The following SLC27A6 variants were observed in gnomAD, a reference collection of about 807,000 sequenced individuals.
SLC27A6 encodes long-chain fatty acid transport protein 6.
SLC27A6 carries 74 observed loss-of-function variants against 63.9 expected under a neutral mutation model. That is an observed-to-expected ratio of 1.16 (90% CI 0.96 to 1.40). The LOEUF (loss-of-function observed/expected upper bound fraction) is 1.40. Among genes scored for constraint, SLC27A6 ranks in the 40% most tolerant of loss-of-function variants. SLC27A6 has a pLI of 0.00. For missense variants in SLC27A6, 794 were observed against 732.9 expected (o/e 1.08, Z -0.96); for synonymous variants, 287 against 260.8 (o/e 1.10, Z -0.97).
At chr5:128,998,555 A>G (rs1751233518) in intron 4 of SLC27A6, among the ~76,000 whole-genome samples, 1 of 152,090 alleles carries the variant, frequency 6.6e-6, no homozygotes, top group South Asian at 2.1e-4. Context: ...GCTTGTCACA[A>G]AAAGACTAAA....
chr5:129,018,380 T>C (rs1455075754), intron 5 of SLC27A6, among the ~76,000 whole-genome samples: 1 of 152,110 alleles, frequency 6.6e-6, no homozygotes, highest in Non-Finnish European at 1.5e-5. Flanking sequence ...GTGTTTTTCA[T>C]GCCACAGCAG....
chr5:129,006,281 G>A (rs1442106143), intron 4 of SLC27A6, among the ~76,000 whole-genome samples: 1 of 151,204 alleles, frequency 6.6e-6, no homozygotes, highest in East Asian at 2.0e-4. Context: ...TAGTAGAGAC[G>A]GGGTTTCACC....
chr5:128,981,643 CT>C (rs1750592070), intron 1 of SLC27A6, among the ~76,000 whole-genome samples: 1 of 152,086 alleles, frequency 6.6e-6, no homozygotes, highest in African/African-American at 2.4e-5. Flanking sequence ...ACACATCATT[CT>C]TTTGAGATGC....
At chr5:129,021,719 G>A (rs922326300) in intron 5 of SLC27A6, among the ~76,000 whole-genome samples, 2 of 152,186 alleles carry the variant, frequency 1.3e-5, no homozygotes, top group Non-Finnish European at 2.9e-5. Context: ...CTTGAAGGCA[G>A]GAAGGAGAAT....
intron 4 of SLC27A6, among the ~76,000 whole-genome samples, chr5:129,001,832 CAT>C (rs904640407): frequency 3.9e-5 from 6 of 152,118 alleles, no homozygotes; most frequent in African/African-American, 1.2e-4. Flanking sequence ...GGAATAACCA[CAT>C]GTTTTGGAAG....
At chr5:128,973,534 G>C (rs371524306) in intron 1 of SLC27A6, among the ~76,000 whole-genome samples, 10 of 152,320 alleles carry the variant, frequency 6.6e-5, no homozygotes, top group African/African-American at 2.4e-4. Flanking sequence ...TCGGACTGCT[G>C]TGCTAGCAGT....
rs563257934 is a variant in SLC27A6 at position 128,969,680 on chromosome 5, C to T, written c.481+3062C>T. ...GATTTTGGGCTGAGATGCTGGGGTT[C>T]TCTAAATATACAATCATGTCATCTG... On this transcript the variant is annotated intron_variant, in intron 1 of 9. Transcript: ENST00000262462. Among the ~76,000 whole-genome samples the T allele has an allele frequency of 1.2e-3, 186 of 152,196 alleles. 1 individual carries two copies. Among genetic ancestry groups the T allele is most frequent in the African/African-American group, 4.4e-3 (183 of 41,548 alleles).
chr5:129,033,221 C>G lies in SLC27A6; in HGVS notation c.1799C>G (p.Ser600Cys), dbSNP rs748949751. 3 of 1,599,160 alleles carry G rather than the reference C, an allele frequency of 1.9e-6. No homozygotes were observed. The South Asian group carries it at 3.4e-5, about 18-fold the overall frequency. ...TACTTCATGGATAACTTGAAAAAGT[C>G]TTATGTTCTACTGACCAGGGAACTT... is the stretch of plus-strand genomic sequence containing the variant. ...PLYFMDNLKK[S>C]YVLLTRELYD... is the part of the protein sequence containing the mutation. Residue 600 changes from serine to cysteine, a missense_variant, in exon 10 of 10, where the codon TCT (serine) becomes TGT (cysteine). By Grantham distance (112) the Ser-to-Cys change is moderately radical (BLOSUM62 -1). Transcript: ENST00000262462.
intron 4 of SLC27A6, among the ~76,000 whole-genome samples, chr5:128,993,607 C>T (rs977283346): frequency 2.6e-5 from 4 of 151,932 alleles, no homozygotes; most frequent in African/African-American, 9.7e-5. Flanking sequence ...AGTTGAACTC[C>T]CACTTCATAT....
chr5:129,012,754 A>C (rs1382712822), intron 4 of SLC27A6, among the ~76,000 whole-genome samples: 5 of 152,110 alleles, frequency 3.3e-5, no homozygotes, highest in Non-Finnish European at 7.4e-5. Flanking sequence ...GTATAGTTAT[A>C]CTAGCTTCCT....
intron 4 of SLC27A6, among the ~76,000 whole-genome samples, chr5:129,003,431 C>T (rs1001102640): frequency 6.6e-6 from 1 of 152,176 alleles, no homozygotes; most frequent in African/African-American, 2.4e-5. Context: ...AAATGAAAGA[C>T]TCAAACTTGC....
At chr5:129,025,326 A>T (rs189253823) in intron 6 of SLC27A6, among the ~76,000 whole-genome samples, 68 of 152,224 alleles carry the variant, frequency 4.5e-4, no homozygotes, top group African/African-American at 1.6e-3. Flanking sequence ...TGTCCTAAAA[A>T]AGAAAAAAAA....
chr5:128,992,007 ATTC>A (rs1431736215), intron 4 of SLC27A6, among the ~76,000 whole-genome samples: 1 of 151,060 alleles, frequency 6.6e-6, no homozygotes, highest in Non-Finnish European at 1.5e-5. Flanking sequence ...AATTTATTTA[ATTC>A]TTTATATTAT....
At chr5:128,991,498 T>TA (rs1750981424) in intron 4 of SLC27A6, among the ~76,000 whole-genome samples, 1 of 152,222 alleles carries the variant, frequency 6.6e-6, no homozygotes, top group Admixed American at 6.5e-5. Flanking sequence ...AGACTGTGTT[T>TA]AGACTAAAAT....
At chr5:128,982,411 C>A (rs1011587063) in intron 1 of SLC27A6, among the ~76,000 whole-genome samples, 1 of 152,118 alleles carries the variant, frequency 6.6e-6, no homozygotes, top group Non-Finnish European at 1.5e-5. Context: ...TTGGTAAATA[C>A]TCAGTTTCTT....
At chr5:129,032,581 C>A (rs1300458508) in intron 9 of SLC27A6, among the ~76,000 whole-genome samples, 3 of 151,998 alleles carry the variant, frequency 2.0e-5, no homozygotes, top group African/African-American at 7.2e-5. Flanking sequence ...AACAAGATAT[C>A]CTGTGAGGAC....
At chr5:128,977,565 C>T (rs1750432085) in intron 1 of SLC27A6, among the ~76,000 whole-genome samples, 2 of 152,106 alleles carry the variant, frequency 1.3e-5, no homozygotes, top group Non-Finnish European at 2.9e-5. Context: ...AAAGGTAAGC[C>T]CTTCAGGCTT....
intron 9 of SLC27A6, among the ~76,000 whole-genome samples, chr5:129,031,212 A>T (rs1752405298): frequency 6.6e-6 from 1 of 152,066 alleles, no homozygotes; most frequent in Non-Finnish European, 1.5e-5. Flanking sequence ...TTATTAGAGT[A>T]TTCACTATAG....
chr5:129,026,437 C>T (rs957312493), intron 6 of SLC27A6, among the ~76,000 whole-genome samples: 1 of 152,020 alleles, frequency 6.6e-6, no homozygotes, highest in African/African-American at 2.4e-5. Flanking sequence ...AATAGGAAAC[C>T]TTTTCAATGT....
Sources: allele counts gnomAD v4.1 joint callset (sites outside exome capture counted in the v4.1 genomes callset), GRCh38; gene constraint gnomAD v4.1.1; transcripts MANE v1.5; gene names NCBI Gene and HGNC (gene_info 2026-07-23, HGNC 2026-07-21).